The following MRRF variants were observed in gnomAD, a reference collection of about 807,000 sequenced individuals.
MRRF encodes the protein mitochondrial ribosome recycling factor.
A neutral mutation model predicts 25.1 loss-of-function variants in MRRF; 18 were observed. The observed-to-expected ratio is 0.72, with a 90% CI of 0.50 to 1.06. MRRF has a LOEUF of 1.06. Ranked by LOEUF, MRRF falls within the 50% of genes least tolerant of loss-of-function variation. The pLI is 0.00. For missense variants in MRRF, 323 were observed against 319.3 expected, an observed-to-expected ratio of 1.01 and a Z score of -0.09; for synonymous variants, 113 against 112.1, an observed-to-expected ratio of 1.01 and a Z score of -0.05.
In MRRF at chr9:122,325,763, A is replaced by G. The variant is rs1836120332; in HGVS notation, c.*3146A>G. On this transcript the variant is annotated 3_prime_UTR_variant, in exon 7 of 7. Transcript: ENST00000344641. ...AGGCCCTACTCCTTTAAAATTAGGTATATATCTTTCCAGACCTCCTTTCTC... is the reference window on the plus strand; with the variant it reads ...AGGCCCTACTCCTTTAAAATTAGGTGTATATCTTTCCAGACCTCCTTTCTC... The G allele has an allele frequency of 6.7e-6, 1 of 149,112 alleles. No individual in the cohort carries two copies. The highest frequency in any genetic ancestry group is 2.1e-4 in the South Asian group (1 of 4,696). 9.2% of individuals were successfully genotyped at this position (149,112 alleles called of 1,614,324 possible). A position where few individuals can be genotyped will look rare whatever the true frequency, so the allele number is the denominator to read the frequency against.
chr9:122,317,007 A>G (rs913525096), intron 6 of MRRF, among the ~76,000 whole-genome samples: 2 of 151,362 alleles, frequency 1.3e-5, no homozygotes, highest in African/African-American at 2.4e-5. Context: ...GTTCACTTTC[A>G]TAAGCCCTCT....
intron 2 of MRRF, 75 bp downstream of exon 2, chr9:122,271,150 C>T: frequency 1.6e-6 from 2 of 1,224,624 alleles, no homozygotes; most frequent in Non-Finnish European, 2.4e-6. Context: ...TGGCAGGTAT[C>T]TCAGATGTAC....
chr9:122,318,980 T>C (rs1047133524), intron 6 of MRRF, among the ~76,000 whole-genome samples: 2 of 152,064 alleles, frequency 1.3e-5, no homozygotes, highest in African/African-American at 4.8e-5. Flanking sequence ...ACTTTAAATG[T>C]AGAACTTGGA....
intron 5 of MRRF, among the ~76,000 whole-genome samples, chr9:122,308,777 A>G (rs1835026975): frequency 6.6e-6 from 1 of 151,280 alleles, no homozygotes; most frequent in Non-Finnish European, 1.5e-5. Flanking sequence ...ATCATGGCTC[A>G]TTGCAGCCTC....
chr9:122,297,566 C>A (rs1042656280), intron 5 of MRRF, among the ~76,000 whole-genome samples: 2 of 152,056 alleles, frequency 1.3e-5, no homozygotes, highest in Non-Finnish European at 2.9e-5. Context: ...TTTACACTTA[C>A]ATTAACCAGT....
intron 6 of MRRF, among the ~76,000 whole-genome samples, chr9:122,320,828 C>T (rs769611939): frequency 2.0e-5 from 3 of 152,176 alleles, no homozygotes; most frequent in Non-Finnish European, 2.9e-5. Context: ...GTCCAACAGC[C>T]GCTATGCTGC....
intron 6 of MRRF, among the ~76,000 whole-genome samples, chr9:122,317,067 A>AATAT (rs71847269): frequency 0.016 from 2,367 of 145,430 alleles, 34 homozygotes; most frequent in East Asian, 0.053. Flanking sequence ...GGTTGCAGTG[A>AATAT]ATATATATAT....
intron 2 of MRRF, among the ~76,000 whole-genome samples, chr9:122,280,049 T>C (rs377260217): frequency 1.4e-4 from 22 of 152,368 alleles, no homozygotes; most frequent in African/African-American, 5.0e-4. Context: ...ATGGATTCCC[T>C]GCCATGTGTA....
At chr9:122,282,384 G>T (rs1833138049) in intron 3 of MRRF, among the ~76,000 whole-genome samples, 1 of 152,208 alleles carries the variant, frequency 6.6e-6, no homozygotes, top group African/African-American at 2.4e-5. Flanking sequence ...TTTCTGTGCT[G>T]ATTAATATGT....
chr9:122,268,948 G>A (rs1356879937), intron 1 of MRRF, among the ~76,000 whole-genome samples: 11 of 151,740 alleles, frequency 7.2e-5, no homozygotes, highest in Admixed American at 4.6e-4. Flanking sequence ...GGTGGATCAC[G>A]AGGTCAGGAG....
intron 2 of MRRF, among the ~76,000 whole-genome samples, chr9:122,276,670 G>A (rs1832793323): frequency 6.6e-6 from 1 of 152,164 alleles, no homozygotes; most frequent in African/African-American, 2.4e-5. Flanking sequence ...TTTGATTTGT[G>A]TGTAAAACAT....
At chr9:122,281,802 T>C (rs1185924246) in intron 3 of MRRF, among the ~76,000 whole-genome samples, 6 of 151,984 alleles carry the variant, frequency 3.9e-5, no homozygotes, top group African/African-American at 1.2e-4. Context: ...TGGAAAGAGG[T>C]TGGGAGTGTA....
intron 2 of MRRF, among the ~76,000 whole-genome samples, chr9:122,279,397 A>T (rs2118672315): frequency 6.6e-6 from 1 of 152,346 alleles, no homozygotes; most frequent in African/African-American, 2.4e-5. Context: ...AGCAAGGAGG[A>T]GAATGTACTT....
intron 3 of MRRF, among the ~76,000 whole-genome samples, chr9:122,281,511 A>G (rs1564479865): frequency 6.6e-6 from 1 of 152,264 alleles, no homozygotes; most frequent in Non-Finnish European, 1.5e-5. Context: ...GTGTGAAACT[A>G]GAAGACTGTT....
At chr9:122,305,525 T>C (rs1834786172) in intron 5 of MRRF, among the ~76,000 whole-genome samples, 1 of 152,146 alleles carries the variant, frequency 6.6e-6, no homozygotes, top group Non-Finnish European at 1.5e-5. Context: ...AGGAATGTTA[T>C]GAAGATTTAC....
chr9:122,288,727 G>A (rs1833565550), intron 4 of MRRF, among the ~76,000 whole-genome samples: 1 of 152,228 alleles, frequency 6.6e-6, no homozygotes, highest in African/African-American at 2.4e-5. Flanking sequence ...GAGTTGACTT[G>A]AATTTAAATT....
At chr9:122,292,684 T>C (rs939569939) in intron 5 of MRRF, among the ~76,000 whole-genome samples, 1 of 152,072 alleles carries the variant, frequency 6.6e-6, no homozygotes, top group African/African-American at 2.4e-5. Context: ...AGTGGAAGGA[T>C]TTAAGCAGGG....
At chr9:122,320,889 T>TAAGG (rs1316233719) in intron 6 of MRRF, among the ~76,000 whole-genome samples, 1 of 152,242 alleles carries the variant, frequency 6.6e-6, no homozygotes, top group African/African-American at 2.4e-5. Flanking sequence ...GCCTCCTGCC[T>TAAGG]AAGGCTTCCT....
intron 2 of MRRF, among the ~76,000 whole-genome samples, chr9:122,278,145 CTCTT>C (rs1832890768): frequency 2.0e-5 from 3 of 151,792 alleles, no homozygotes; most frequent in Admixed American, 6.6e-5. Flanking sequence ...CCCTCTCTCT[CTCTT>C]TTTTAAATTC....
Sources: allele counts gnomAD v4.1 joint callset (sites outside exome capture counted in the v4.1 genomes callset), GRCh38; gene constraint gnomAD v4.1.1; transcripts MANE v1.5; gene names NCBI Gene and HGNC (gene_info 2026-07-23, HGNC 2026-07-21).